SLC24A2: variants seen among roughly 807,000 people sequenced by gnomAD.
The protein encoded by SLC24A2 is sodium/potassium/calcium exchanger 2.
SLC24A2 carries 36 observed loss-of-function variants against 62.0 expected under a neutral mutation model. The ratio of observed to expected loss-of-function variants is 0.58; its 90% CI spans 0.44 to 0.77. The LOEUF is 0.77. Ranked by LOEUF, SLC24A2 falls within the 30% of genes least tolerant of loss-of-function variation. The pLI is 0.00. For synonymous variants in SLC24A2, 358 were observed against 294.0 expected (o/e 1.22, Z -2.23); for missense variants, 846 against 817.9 (o/e 1.03, Z -0.42).
chr9:20,156,903 AG>A, the SLC24A2 span, among the ~76,000 whole-genome samples: 1 of 151,764 alleles, frequency 6.6e-6, no homozygotes, highest in African/African-American at 2.4e-5. Flanking sequence ...AGGTAAAGGA[AG>A]GAGATCCTTC....
intron 2 of SLC24A2, among the ~76,000 whole-genome samples, chr9:19,674,046 G>T (rs999788248): frequency 2.0e-5 from 3 of 152,120 alleles, no homozygotes; most frequent in African/African-American, 7.2e-5. Flanking sequence ...GCTTCTTTTA[G>T]CAGTTCTTAT....
At chr9:19,775,954 G>A (rs1035712821) in intron 2 of SLC24A2, among the ~76,000 whole-genome samples, 4 of 152,182 alleles carry the variant, frequency 2.6e-5, no homozygotes, top group African/African-American at 9.7e-5. Flanking sequence ...CAGCCCTTTG[G>A]TGGTCCATGA....
At chr9:20,200,470 A>G in the SLC24A2 span, among the ~76,000 whole-genome samples, 1 of 152,228 alleles carries the variant, frequency 6.6e-6, no homozygotes, top group African/African-American at 2.4e-5. Context: ...CTAAACCCAC[A>G]CTAAATGTAT....
At chr9:20,115,416 T>G in the SLC24A2 span, among the ~76,000 whole-genome samples, 1 of 152,092 alleles carries the variant, frequency 6.6e-6, no homozygotes, top group African/African-American at 2.4e-5. Context: ...TTCCTGTGCT[T>G]GTGGGGAGAA....
intron 2 of SLC24A2, among the ~76,000 whole-genome samples, chr9:19,645,410 T>TTTGTG (rs1818613881): frequency 6.6e-6 from 1 of 152,210 alleles, no homozygotes; most frequent in African/African-American, 2.4e-5. Context: ...TGATTTTGCA[T>TTTGTG]AGTTTAGTTT....
chr9:20,285,999 C>G, the SLC24A2 span, among the ~76,000 whole-genome samples: 6 of 152,218 alleles, frequency 3.9e-5, no homozygotes, highest in Non-Finnish European at 8.8e-5. Flanking sequence ...GACACCCAGA[C>G]TGTGGTATTT....
chr9:19,775,145 C>T (rs7852093), intron 2 of SLC24A2, among the ~76,000 whole-genome samples: 13,348 of 152,198 alleles, frequency 0.088, 861 homozygotes, highest in African/African-American at 0.18. Context: ...TATGGCCTGG[C>T]GCCCAGATCC....
At chr9:19,896,141 A>G in the SLC24A2 span, among the ~76,000 whole-genome samples, 2 of 152,078 alleles carry the variant, frequency 1.3e-5, no homozygotes, top group Non-Finnish European at 2.9e-5. Context: ...CTTTCCTTTC[A>G]TGCCTGTTTA....
rs577006131 is a variant in SLC24A2 at position 19,573,427 on chromosome 9, A to G, written c.1271T>C (p.Met424Thr). The part of the protein sequence containing the change: ...LPNSTSTDVE[M>T]TPSSDASEPV... ...TTCTGAAGCATCACTGGATGGTGTC[A>G]TTTCAACATCTGTGCTGGTGCTGTT... is the stretch of plus-strand genomic sequence containing the variant. The change falls in exon 7 of 11, where the codon ATG becomes ACG. Residue 424 changes from methionine to threonine, a missense_variant. Met to Thr is a moderately conservative substitution (Grantham distance 81, BLOSUM62 -1). Transcript: ENST00000341998. 2.5e-6 allele frequency: 4 copies of G among 1,612,838 alleles called. No individual in the cohort carries two copies. The Admixed American group carries it at 6.7e-5, about 27-fold the overall frequency.
At chr9:20,222,924 T>C in the SLC24A2 span, among the ~76,000 whole-genome samples, 2 of 151,944 alleles carry the variant, frequency 1.3e-5, no homozygotes, top group Admixed American at 6.6e-5. Flanking sequence ...CCTAACTTAT[T>C]AAATAAGAAG....
At chr9:19,830,645 A>T in the SLC24A2 span, among the ~76,000 whole-genome samples, 1 of 152,172 alleles carries the variant, frequency 6.6e-6, no homozygotes, top group Admixed American at 6.5e-5. Context: ...GGCCACAAAA[A>T]GTTCATCTGA....
At chr9:20,157,414 G>C in the SLC24A2 span, among the ~76,000 whole-genome samples, 4,779 of 151,788 alleles carry the variant, frequency 0.031, 229 homozygotes, top group African/African-American at 0.11. Flanking sequence ...CTCTGTCTTT[G>C]AGAGACTTCA....
chr9:19,876,024 T>C, the SLC24A2 span, among the ~76,000 whole-genome samples: 1 of 152,184 alleles, frequency 6.6e-6, no homozygotes, highest in Non-Finnish European at 1.5e-5. Context: ...TCTCCAAAAA[T>C]ATCCTCTATC....
At chr9:19,940,050 G>A in the SLC24A2 span, among the ~76,000 whole-genome samples, 1 of 152,224 alleles carries the variant, frequency 6.6e-6, no homozygotes, top group Non-Finnish European at 1.5e-5. Flanking sequence ...ACCCTTGGGG[G>A]TTTGAGGGGA....
At chr9:19,882,133 A>G in the SLC24A2 span, among the ~76,000 whole-genome samples, 1 of 152,138 alleles carries the variant, frequency 6.6e-6, no homozygotes, top group African/African-American at 2.4e-5. Flanking sequence ...GTTCTCAAAA[A>G]TGGGATTAAA....
At chr9:19,779,476 A>C (rs1394027534) in intron 2 of SLC24A2, among the ~76,000 whole-genome samples, 1 of 152,226 alleles carries the variant, frequency 6.6e-6, no homozygotes, top group Non-Finnish European at 1.5e-5. Flanking sequence ...ACGAGAAAAT[A>C]ATTTTCTACT....
At chr9:20,033,935 C>G in the SLC24A2 span, among the ~76,000 whole-genome samples, 13 of 152,228 alleles carry the variant, frequency 8.5e-5, no homozygotes, top group Admixed American at 2.0e-4. Flanking sequence ...TGTTGGCTCA[C>G]TCTTGAATTC....
In SLC24A2 at chr9:19,550,273, G is replaced by A; in HGVS notation, c.1348-5C>T. ...GTCCTCCTCCTCATCAGCGGTCTGT[G>A]GTAGAAAAAGAGGTAAAATTAAACA... On this transcript the variant is annotated splice_polypyrimidine_tract_variant and splice_region_variant and intron_variant, in intron 7 of 10. Coordinates refer to ENST00000341998, the MANE Select transcript of SLC24A2 (RefSeq NM_020344.4). 6.2e-7 allele frequency: 1 copy of A among 1,613,792 alleles called. No individual in the cohort carries two copies. Among genetic ancestry groups the A allele is most frequent in the Non-Finnish European group, 8.5e-7 (1 of 1,179,844 alleles).
chr9:20,140,995 G>A, the SLC24A2 span, among the ~76,000 whole-genome samples: 2 of 152,076 alleles, frequency 1.3e-5, no homozygotes, highest in African/African-American at 2.4e-5. Flanking sequence ...CTAACCATGA[G>A]CTCCTTTATC....
Sources: allele counts gnomAD v4.1 joint callset (sites outside exome capture counted in the v4.1 genomes callset), GRCh38; gene constraint gnomAD v4.1.1; transcripts MANE v1.5; gene names NCBI Gene and HGNC (gene_info 2026-07-23, HGNC 2026-07-21).